KCNQ1OT1: variants seen among roughly 807,000 people sequenced by gnomAD.
The protein encoded by KCNQ1OT1 is KCNQ1 antisense RNA 2 (non-protein coding).
At chr11:2,693,813 G>A in exon 1 of KCNQ1OT1, 1 of 398,862 alleles carries the variant, frequency 2.5e-6, no homozygotes, top group Non-Finnish European at 4.4e-6. Context: ...GGCTGATAAA[G>A]GCACCGGAAG....
Position 2,654,383 on chromosome 11 carries a change from C to A in KCNQ1OT1, n.45612G>T, listed in dbSNP as rs182981279. 84 of 398,520 alleles carry A rather than the reference C, an allele frequency of 2.1e-4. No individual in the cohort carries two copies. In the East Asian group the frequency reaches 2.9e-3, roughly 14 times the overall value. The allele number at this position is 398,520 out of a possible 1,614,324, so 24.7% of individuals were successfully genotyped here. A position where few individuals can be genotyped will look rare whatever the true frequency, so the allele number is the denominator to read the frequency against. On this transcript the variant is annotated non_coding_transcript_exon_variant, in exon 1 of 1. Transcript: ENST00000597346. This position sits in a 1 kb window ranked among gnomAD's most constrained non-coding sequence, Gnocchi z 6.4. ...TGTTCATCCTTGTGAAGTAGGCTGG[C>A]TCAGGGAACTCGCCTGTGCCAAACC...
chr11:2,608,709 G>A lies in KCNQ1OT1; in HGVS notation n.91286C>T, dbSNP rs576052697. On this transcript the variant is annotated non_coding_transcript_exon_variant, in exon 1 of 1. Transcript: ENST00000597346. This position sits in a 1 kb window ranked among gnomAD's most constrained non-coding sequence, Gnocchi z 4.6. ...GAACTCCTGGCCACAAGCAATTCTC[G>A]AACTCCTGGCCACAAGCAATTCTCC... 37 of 383,632 alleles carry A rather than the reference G, an allele frequency of 9.6e-5. No homozygotes were observed. The highest frequency in any genetic ancestry group is 7.7e-4 in the South Asian group (6 of 7,810). 23.8% of individuals were successfully genotyped at this position (383,632 alleles called of 1,614,324 possible).
chr11:2,619,964 A>C lies in KCNQ1OT1; in HGVS notation n.80031T>G, dbSNP rs199837513. The C allele has an allele frequency of 2.2e-4, 17 of 78,734 alleles. No individual in the cohort carries two copies. In the Admixed American group the frequency reaches 3.0e-3, roughly 14 times the overall value. 4.9% of individuals were successfully genotyped at this position (78,734 alleles called of 1,614,324 possible). A position where few individuals can be genotyped will look rare whatever the true frequency, so the allele number is the denominator to read the frequency against. On this transcript the variant is annotated non_coding_transcript_exon_variant, in exon 1 of 1. Transcript: ENST00000597346. ...GGTTTGGAGTGTGGATAAGCCTATC[A>C]CCCAGGTAGTGAGCATAGTACCCAA...
chr11:2,630,831 G>A, exon 1 of KCNQ1OT1: 1 of 398,480 alleles, frequency 2.5e-6, no homozygotes, highest in African/African-American at 2.1e-5. Context: ...TTTCATATCT[G>A]AAGGACAGCT....
chr11:2,613,503 G>C lies in KCNQ1OT1; in HGVS notation n.86492C>G. Reference sequence around the variant, plus strand: ...GTCCTCAAGCCTACCGTGCCCCTGAGCTTGGGTGGGGAGATGGCAGCCCCA... The same window carrying C: ...GTCCTCAAGCCTACCGTGCCCCTGACCTTGGGTGGGGAGATGGCAGCCCCA... On this transcript the variant is annotated non_coding_transcript_exon_variant, in exon 1 of 1. Coordinates refer to ENST00000597346, the Ensembl canonical transcript of KCNQ1OT1. This position sits in a 1 kb window ranked among gnomAD's most constrained non-coding sequence, Gnocchi z 4.8. 1 of 398,536 alleles carries C rather than the reference G, an allele frequency of 2.5e-6. No homozygotes were observed. Among genetic ancestry groups the C allele is most frequent in the East Asian group, 3.6e-5 (1 of 28,074 alleles). The allele number at this position is 398,536 out of a possible 1,614,324, so 24.7% of individuals were successfully genotyped here.
chr11:2,632,759 T>G lies in KCNQ1OT1; in HGVS notation n.67236A>C, dbSNP rs1849381737. 1.0e-5 allele frequency: 4 copies of G among 398,438 alleles called. No individual in the cohort carries two copies. The East Asian group carries it at 1.4e-4, about 14-fold the overall frequency. 24.7% of individuals were successfully genotyped at this position (398,438 alleles called of 1,614,324 possible). On this transcript the variant is annotated non_coding_transcript_exon_variant, in exon 1 of 1. Transcript: ENST00000597346. ...TGCTGTGAATGACAGGACTTAATGC[T>G]TTATTATGACTGAATAATATTCCAT...
In KCNQ1OT1 at chr11:2,649,866, A is replaced by G. The variant is rs201434624; in HGVS notation, n.50129T>C. The stretch of plus-strand genomic sequence containing the variant: ...CAAACTTTGGCAGTTTTCAGGTATT[A>G]TCTTCTTAAATAGATTTTCTGGTCC... On this transcript the variant is annotated non_coding_transcript_exon_variant, in exon 1 of 1. Coordinates refer to ENST00000597346, the Ensembl canonical transcript of KCNQ1OT1. 1.6e-3 allele frequency: 619 copies of G among 398,362 alleles called. 3 individuals are homozygous for G. The East Asian group carries it at 0.018, about 12-fold the overall frequency. 24.7% of individuals were successfully genotyped at this position (398,362 alleles called of 1,614,324 possible).
At chr11:2,655,445 C>T in exon 1 of KCNQ1OT1, 1 of 398,706 alleles carries the variant, frequency 2.5e-6, no homozygotes, top group Non-Finnish European at 4.4e-6. Flanking sequence ...GGCAGTTCAG[C>T]AAAGGGCACC....
At position 2,687,832 on chromosome 11, in the gene KCNQ1OT1, G is replaced by A. The variant is rs1850517343; in HGVS notation, n.12163C>T. 7.5e-6 allele frequency: 3 copies of A among 398,600 alleles called. No individual in the cohort carries two copies. Among genetic ancestry groups the A allele is most frequent in the Admixed American group, 4.4e-5 (1 of 22,722 alleles). 24.7% of individuals were successfully genotyped at this position (398,600 alleles called of 1,614,324 possible). ...CCCTCCTCTGCCCCAACTGGCTCCA[G>A]GCCAAACTCTGGTTCCTGAGGAGCC... On this transcript the variant is annotated non_coding_transcript_exon_variant, in exon 1 of 1. Coordinates refer to ENST00000597346, the Ensembl canonical transcript of KCNQ1OT1. This position sits in a 1 kb window ranked among gnomAD's most constrained non-coding sequence, Gnocchi z 5.0.
At position 2,690,352 on chromosome 11, in the gene KCNQ1OT1, C is replaced by T. The variant is rs142732695; in HGVS notation, n.9643G>A. On this transcript the variant is annotated non_coding_transcript_exon_variant, in exon 1 of 1. Transcript: ENST00000597346. This position sits in a 1 kb window ranked among gnomAD's most constrained non-coding sequence, Gnocchi z 5.1. The stretch of plus-strand genomic sequence containing the variant: ...CAAGTCTGAGGCTGCCCTGCAGCTG[C>T]TGTTTCCACTACTTGGCATGGAACA... 1,111 of 398,706 alleles carry T rather than the reference C, an allele frequency of 2.8e-3. 3 individuals carry two copies. Among genetic ancestry groups the T allele is most frequent in the Non-Finnish European group, 3.9e-3 (877 of 226,098 alleles). The allele number at this position is 398,706 out of a possible 1,614,324, so 24.7% of individuals were successfully genotyped here. A position where few individuals can be genotyped will look rare whatever the true frequency, so the allele number is the denominator to read the frequency against.
chr11:2,619,985 C>T (rs1490844230), exon 1 of KCNQ1OT1: 4 of 397,938 alleles, frequency 1.0e-5, no homozygotes, highest in Non-Finnish European at 1.8e-5. Flanking sequence ...GAGCATAGTA[C>T]CCAATAGGTA....
At chr11:2,633,722 A>G (rs753546700) in exon 1 of KCNQ1OT1, 9 of 398,384 alleles carry the variant, frequency 2.3e-5, no homozygotes, top group African/African-American at 4.1e-5. Flanking sequence ...CCATTGGTCT[A>G]TATGTCTGTT....
In KCNQ1OT1 at chr11:2,621,903, C is replaced by A. The variant is rs899600129; in HGVS notation, n.78092G>T. The A allele has an allele frequency of 2.5e-6, 1 of 398,116 alleles. No individual in the cohort carries two copies. The highest frequency in any genetic ancestry group is 2.1e-5 in the African/African-American group (1 of 48,580). 24.7% of individuals were successfully genotyped at this position (398,116 alleles called of 1,614,324 possible). A position where few individuals can be genotyped will look rare whatever the true frequency, so the allele number is the denominator to read the frequency against. Reference sequence around the variant, plus strand: ...CTGTTCTGATCTTTATTATTTCCTTCTGTTAACTTTGGCTTTAGTTTGTTC... The same window carrying A: ...CTGTTCTGATCTTTATTATTTCCTTATGTTAACTTTGGCTTTAGTTTGTTC... On this transcript the variant is annotated non_coding_transcript_exon_variant, in exon 1 of 1. Transcript: ENST00000597346. This position sits in a 1 kb window ranked among gnomAD's most constrained non-coding sequence, Gnocchi z 5.7.
exon 1 of KCNQ1OT1, chr11:2,694,381 C>G (rs1850638449): frequency 5.0e-6 from 2 of 398,526 alleles, no homozygotes; most frequent in African/African-American, 4.1e-5. Flanking sequence ...GCTATCATGA[C>G]TATGGGAGAA....
rs753116009 is a variant in KCNQ1OT1 at position 2,691,088 on chromosome 11, C to T, written n.8907G>A. 3 of 398,528 alleles carry T rather than the reference C, an allele frequency of 7.5e-6. No individual in the cohort carries two copies. In the East Asian group the frequency reaches 1.1e-4, roughly 14 times the overall value. 24.7% of individuals were successfully genotyped at this position (398,528 alleles called of 1,614,324 possible). On this transcript the variant is annotated non_coding_transcript_exon_variant, in exon 1 of 1. Coordinates refer to ENST00000597346, the Ensembl canonical transcript of KCNQ1OT1. The surrounding 1 kb of genome is among the most constrained non-coding windows in gnomAD (Gnocchi z 6.4). ...GAGGCACCTTTGTTCTAGATGCCTG[C>T]AGATTCCTGACAACAGTAGGGGTGG... is the stretch of plus-strand genomic sequence containing the variant.
Position 2,652,290 on chromosome 11 carries a change from T to C in KCNQ1OT1, n.47705A>G, listed in dbSNP as rs1411544994. On this transcript the variant is annotated non_coding_transcript_exon_variant, in exon 1 of 1. Coordinates refer to ENST00000597346, the Ensembl canonical transcript of KCNQ1OT1. This position sits in a 1 kb window ranked among gnomAD's most constrained non-coding sequence, Gnocchi z 5.9. ...AACATCTGCACCGGTTTCCAAGGCT[T>C]CTCCCTCACTAATTGCTTTGATTAT... 1 of 398,554 alleles carries C rather than the reference T, an allele frequency of 2.5e-6. No individual in the cohort carries two copies. Among genetic ancestry groups the C allele is most frequent in the Non-Finnish European group, 4.4e-6 (1 of 226,078 alleles). The allele number at this position is 398,554 out of a possible 1,614,324, so 24.7% of individuals were successfully genotyped here.
At chr11:2,680,718 A>G (rs1850382311) in exon 1 of KCNQ1OT1, 2 of 398,030 alleles carry the variant, frequency 5.0e-6, no homozygotes, top group Middle Eastern at 6.3e-4. Flanking sequence ...GCTACCCCCA[A>G]TTCCCTCCCA....
Position 2,671,530 on chromosome 11 carries a change from A to C in KCNQ1OT1, n.28465T>G. On this transcript the variant is annotated non_coding_transcript_exon_variant, in exon 1 of 1. Transcript: ENST00000597346. The surrounding 1 kb of genome is among the most constrained non-coding windows in gnomAD (Gnocchi z 4.7). ...CAATTCAAGGGATTTTTCAAAGGTT[A>C]ATTTTGACTCTGCCTGACTTATCTC... 1 of 398,558 alleles carries C rather than the reference A, an allele frequency of 2.5e-6. No individual in the cohort carries two copies. Among genetic ancestry groups the C allele is most frequent in the East Asian group, 3.6e-5 (1 of 28,070 alleles). 24.7% of individuals were successfully genotyped at this position (398,558 alleles called of 1,614,324 possible).
exon 1 of KCNQ1OT1, chr11:2,675,432 T>G (rs1850276628): frequency 2.5e-6 from 1 of 398,626 alleles, no homozygotes; most frequent in Non-Finnish European, 4.4e-6. Context: ...CATTTTGCGT[T>G]AAAATAAAAG....
Sources: allele counts gnomAD v4.1 joint callset, GRCh38; gene constraint gnomAD v4.1.1; non-coding constraint Gnocchi (gnomAD v3.1); transcripts MANE v1.5; gene names NCBI Gene and HGNC (gene_info 2026-07-23, HGNC 2026-07-21).